FBXL17: variants seen among roughly 807,000 people sequenced by gnomAD.
FBXL17 encodes F-box/LRR-repeat protein 17.
FBXL17 carries 22 observed loss-of-function variants against 66.2 expected under a neutral mutation model. The observed-to-expected ratio is 0.33, with a 90% CI of 0.24 to 0.47. The LOEUF (loss-of-function observed/expected upper bound fraction) is 0.47, where lower values mean the gene tolerates loss of function less well. Among genes scored for constraint, FBXL17 ranks in the 20% least tolerant of loss-of-function variants. The pLI is 1.00. For missense variants in FBXL17, 878 were observed against 948.2 expected (o/e 0.93, Z 0.97); for synonymous variants, 474 against 400.5 (o/e 1.18, Z -2.19).
chr5:107,975,180 A>C (rs560597345), intron 7 of FBXL17, among the ~76,000 whole-genome samples: 7 of 152,296 alleles, frequency 4.6e-5, no homozygotes, highest in African/African-American at 1.7e-4. Flanking sequence ...GCCTATAAAT[A>C]TGCTCGGATA....
chr5:107,861,638 C>T lies in FBXL17; in HGVS notation c.*82G>A. The T allele has an allele frequency of 7.4e-7, 1 of 1,342,284 alleles. No homozygotes were observed. The highest frequency in any genetic ancestry group is 9.8e-7 in the Non-Finnish European group (1 of 1,019,316). The allele number at this position is 1,342,284 out of a possible 1,614,324, so 83.1% of individuals were successfully genotyped here. ...ACACAGACAGGTGACAGTTAAAACC[C>T]TTCCGAGAGATCAGCTCCCCAAATG... On this transcript the variant is annotated 3_prime_UTR_variant, in exon 9 of 9. Coordinates refer to ENST00000542267, the MANE Select transcript of FBXL17 (RefSeq NM_001163315.3).
chr5:108,308,129 TG>T (rs1211301440), intron 4 of FBXL17, among the ~76,000 whole-genome samples: 3 of 152,128 alleles, frequency 2.0e-5, no homozygotes, highest in Non-Finnish European at 2.9e-5. Context: ...CTACTACTGC[TG>T]TTTTTCACTA....
At chr5:107,896,302 T>G (rs1241247750) in intron 7 of FBXL17, among the ~76,000 whole-genome samples, 2 of 152,074 alleles carry the variant, frequency 1.3e-5, no homozygotes, top group East Asian at 3.8e-4. Context: ...TATGATTACT[T>G]CATGCAAAAT....
At chr5:108,231,726 G>A (rs1755349644) in intron 4 of FBXL17, among the ~76,000 whole-genome samples, 1 of 152,150 alleles carries the variant, frequency 6.6e-6, no homozygotes, top group Non-Finnish European at 1.5e-5. Flanking sequence ...GGGGGTTACA[G>A]TGTTGGCTGG....
At chr5:108,319,653 A>G (rs1392387129) in intron 4 of FBXL17, among the ~76,000 whole-genome samples, 1 of 151,814 alleles carries the variant, frequency 6.6e-6, no homozygotes, top group Non-Finnish European at 1.5e-5. Flanking sequence ...TAAATGAACA[A>G]AAATCTAAAA....
intron 4 of FBXL17, among the ~76,000 whole-genome samples, chr5:108,227,331 T>A (rs530149907): frequency 2.1e-4 from 32 of 152,298 alleles, no homozygotes; most frequent in Middle Eastern, 6.8e-3. Context: ...AATTCCTTTT[T>A]CGTCTCCCGC....
At chr5:108,359,824 T>C (rs1748229379) in intron 3 of FBXL17, among the ~76,000 whole-genome samples, 2 of 152,122 alleles carry the variant, frequency 1.3e-5, no homozygotes, top group African/African-American at 4.8e-5. Context: ...CATGGTACTG[T>C]TCATCCTCTG....
At chr5:107,910,095 T>C (rs1054859341) in intron 7 of FBXL17, among the ~76,000 whole-genome samples, 13 of 151,198 alleles carry the variant, frequency 8.6e-5, no homozygotes, top group Non-Finnish European at 1.8e-4. Flanking sequence ...TCCAGTGTCA[T>C]TTGCTTGCAG....
chr5:107,988,748 T>G (rs1474389448), intron 7 of FBXL17, among the ~76,000 whole-genome samples: 1 of 152,048 alleles, frequency 6.6e-6, no homozygotes, highest in African/African-American at 2.4e-5. Flanking sequence ...TGTTGGTCCA[T>G]TAATTAAAAG....
chr5:108,165,159 A>C (rs1483774300), intron 6 of FBXL17, among the ~76,000 whole-genome samples: 1 of 152,238 alleles, frequency 6.6e-6, no homozygotes, highest in Non-Finnish European at 1.5e-5. Flanking sequence ...AGATTTGTTA[A>C]ATACACTGTG....
chr5:108,336,777 G>A (rs1438225256), intron 4 of FBXL17, among the ~76,000 whole-genome samples: 2 of 152,040 alleles, frequency 1.3e-5, no homozygotes, highest in African/African-American at 4.8e-5. Context: ...TTGTATGAAT[G>A]TTAATGAAAA....
chr5:108,252,097 C>T (rs1756380016), intron 4 of FBXL17, among the ~76,000 whole-genome samples: 1 of 152,046 alleles, frequency 6.6e-6, no homozygotes, highest in Non-Finnish European at 1.5e-5. Context: ...CTTAACGAAG[C>T]TTTTGCACGG....
intron 7 of FBXL17, among the ~76,000 whole-genome samples, chr5:107,993,448 A>G (rs1055398227): frequency 6.6e-6 from 1 of 152,208 alleles, no homozygotes; most frequent in African/African-American, 2.4e-5. Context: ...ATATGTTCTA[A>G]GCAAAGCTAC....
intron 4 of FBXL17, among the ~76,000 whole-genome samples, chr5:108,232,271 T>C (rs1395768389): frequency 6.6e-6 from 1 of 152,184 alleles, no homozygotes; most frequent in Non-Finnish European, 1.5e-5. Context: ...GGGTTGGGGA[T>C]TGGTGTGTTT....
rs1457166421 is a variant in FBXL17, at chr5:108,246,004, T to C, written c.1507-21776A>G. Among the ~76,000 whole-genome samples the C allele has an allele frequency of 2.0e-5, 3 of 152,330 alleles. No individual in the cohort carries two copies. In the East Asian group the frequency reaches 5.8e-4, roughly 29 times the overall value. ...AGTTAAATCAATCCAGTGCTTTGAT[T>C]TGGACCTCAGTGCCTCACAATGTCT... On this transcript the variant is annotated intron_variant, in intron 4 of 8. Coordinates refer to ENST00000542267, the MANE Select transcript of FBXL17 (RefSeq NM_001163315.3).
At chr5:108,265,066 C>T (rs1756992762) in intron 4 of FBXL17, among the ~76,000 whole-genome samples, 1 of 151,934 alleles carries the variant, frequency 6.6e-6, no homozygotes, top group African/African-American at 2.4e-5. Context: ...TTAAAAGAAG[C>T]AACAGAATAA....
chr5:108,320,717 A>G (rs951667624), intron 4 of FBXL17, among the ~76,000 whole-genome samples: 1 of 151,846 alleles, frequency 6.6e-6, no homozygotes, highest in Admixed American at 6.6e-5. Flanking sequence ...ATTTGTTAAG[A>G]ACAAAAACCC....
intron 3 of FBXL17, among the ~76,000 whole-genome samples, chr5:108,355,673 G>C (rs1040398882): frequency 1.3e-5 from 2 of 152,034 alleles, no homozygotes; most frequent in Non-Finnish European, 2.9e-5. Context: ...GGTTATAAAT[G>C]TATATTGTGA....
rs552362703 is a variant in FBXL17 at position 108,083,876 on chromosome 5, G to C, written c.1746-62875C>G. Among the ~76,000 whole-genome samples the C allele has an allele frequency of 3.9e-5, 6 of 152,268 alleles. 1 individual carries two copies. The highest frequency in any genetic ancestry group is 1.4e-4 in the African/African-American group (6 of 41,564). ...GACCTGGGCCTGGAATCCTTACTAT[G>C]TCTCCACAGCTTGGAGACTGGTGCT... On this transcript the variant is annotated intron_variant, in intron 6 of 8. Coordinates refer to ENST00000542267, the MANE Select transcript of FBXL17 (RefSeq NM_001163315.3).
Sources: allele counts gnomAD v4.1 joint callset (sites outside exome capture counted in the v4.1 genomes callset), GRCh38; gene constraint gnomAD v4.1.1; transcripts MANE v1.5; gene names NCBI Gene and HGNC (gene_info 2026-07-23, HGNC 2026-07-21).